The following CCNY variants were observed in gnomAD, a reference collection of about 807,000 sequenced individuals.
The protein encoded by CCNY is cyclin Y.
A neutral mutation model predicts 42.8 loss-of-function variants in CCNY; 19 were observed. The observed-to-expected ratio is 0.44, with a 90% CI of 0.31 to 0.65. CCNY has a LOEUF of 0.65. Among genes scored for constraint, CCNY ranks in the 30% least tolerant of loss-of-function variants. The probability of loss-of-function intolerance (pLI) is 0.07; values close to 1 mark genes in which losing one functional copy is unlikely to be tolerated. For missense variants in CCNY, 370 were observed against 437.3 expected (o/e 0.85, Z 1.37); for synonymous variants, 165 against 162.7 (o/e 1.01, Z -0.11).
intron 3 of CCNY, among the ~76,000 whole-genome samples, chr10:35,502,184 C>T (rs1400002759): frequency 6.6e-6 from 1 of 152,176 alleles, no homozygotes; most frequent in African/African-American, 2.4e-5. Context: ...GGCTCCAGCA[C>T]CTACTCCACA....
chr10:35,309,466 G>A (rs1835654748), intron 3 of CCNY, among the ~76,000 whole-genome samples: 1 of 151,954 alleles, frequency 6.6e-6, no homozygotes, highest in Non-Finnish European at 1.5e-5. Flanking sequence ...GGTGTCACCC[G>A]GGCTGAAGTG....
chr10:35,518,265 G>C (rs1037609405), intron 4 of CCNY, among the ~76,000 whole-genome samples: 1 of 152,180 alleles, frequency 6.6e-6, no homozygotes, highest in Non-Finnish European at 1.5e-5. Flanking sequence ...TATGTTGTCT[G>C]TGTAAATCAC....
chr10:35,478,418 A>G (rs1042526812), intron 1 of CCNY, among the ~76,000 whole-genome samples: 1 of 151,446 alleles, frequency 6.6e-6, no homozygotes, highest in Non-Finnish European at 1.5e-5. Context: ...CCAAAACAGC[A>G]TGGTACTGGT....
At chr10:35,370,398 G>C (rs1836905436) in intron 1 of CCNY, among the ~76,000 whole-genome samples, 1 of 152,010 alleles carries the variant, frequency 6.6e-6, no homozygotes, top group South Asian at 2.1e-4. Flanking sequence ...TGATCCGCCT[G>C]CTTCGGCCTC....
chr10:35,372,221 A>G (rs1836952199), intron 1 of CCNY, among the ~76,000 whole-genome samples: 1 of 152,212 alleles, frequency 6.6e-6, no homozygotes, highest in Non-Finnish European at 1.5e-5. Flanking sequence ...TCACCCTGAC[A>G]GTGAGGAAGG....
rs192693565 is a variant in CCNY at position 35,295,331 on chromosome 10, A to C, written c.-9+44705A>C. Among the ~76,000 whole-genome samples, 1,307 of 151,818 alleles carry C rather than the reference A, an allele frequency of 8.6e-3. 34 individuals are homozygous for C. The East Asian group carries it at 0.09, about 10-fold the overall frequency. The stretch of plus-strand genomic sequence containing the variant: ...ACCACAACCTCTGCCTCCCGGGTTC[A>C]AGCGATTCTCCTGCCTCAGCCTCCC... On this transcript the variant is annotated intron_variant, in intron 3 of 11. Coordinates refer to the CCNY transcript ENST00000374706.
rs1377590773 is a variant in CCNY at position 35,402,912 on chromosome 10, T to A, written c.154+65705T>A. 4.6e-5 allele frequency among the ~76,000 whole-genome samples: 7 copies of A among 152,024 alleles called. No individual in the cohort carries two copies. In the East Asian group the frequency reaches 7.7e-4, roughly 17 times the overall value. ...GTCCGTTAATGGGACTGTATAGAGG[T>A]GGGAAGGCTAAACTGAAGAATTATG... is the stretch of plus-strand genomic sequence containing the variant. On this transcript the variant is annotated intron_variant, in intron 1 of 9. Transcript: ENST00000374704.
chr10:35,265,166 G>A (rs545901389), intron 3 of CCNY, among the ~76,000 whole-genome samples: 1 of 152,262 alleles, frequency 6.6e-6, no homozygotes, highest in East Asian at 1.9e-4. Context: ...AACAAATGAT[G>A]ATGAAATATT....
intron 1 of CCNY, among the ~76,000 whole-genome samples, chr10:35,407,552 G>A (rs1837807068): frequency 6.6e-6 from 1 of 152,170 alleles, no homozygotes; most frequent in African/African-American, 2.4e-5. Flanking sequence ...AGATCTTGTA[G>A]GATGGAAAAA....
intron 3 of CCNY, among the ~76,000 whole-genome samples, chr10:35,284,009 G>A (rs1021315867): frequency 1.3e-5 from 2 of 152,056 alleles, no homozygotes; most frequent in East Asian, 1.9e-4. Flanking sequence ...ACTTGAACCC[G>A]GGAGATGGGG....
At chr10:35,452,970 TA>T (rs960186673) in intron 1 of CCNY, among the ~76,000 whole-genome samples, 3 of 152,064 alleles carry the variant, frequency 2.0e-5, no homozygotes, top group East Asian at 3.9e-4. Context: ...TAGAACATTT[TA>T]AAAAAAATAT....
chr10:35,448,267 G>T (rs1228692571), intron 1 of CCNY, among the ~76,000 whole-genome samples: 1 of 152,156 alleles, frequency 6.6e-6, no homozygotes, highest in Non-Finnish European at 1.5e-5. Flanking sequence ...GGGCAGTCAC[G>T]AACAAAGCAG....
Position 35,351,702 on chromosome 10 carries a change from A to G in CCNY, c.154+14495A>G, listed in dbSNP as rs115296220. On this transcript the variant is annotated intron_variant, in intron 1 of 9. Transcript: ENST00000374704. ...TAAGAATTTTTATTTTAAGTATATA[A>G]TACCATTGGAACAAGATGAACAGCA... Among the ~76,000 whole-genome samples the G allele has an allele frequency of 9.3e-3, 1,421 of 152,344 alleles. 29 individuals carry two copies. The highest frequency in any genetic ancestry group is 0.031 in the African/African-American group (1,308 of 41,568).
In CCNY at chr10:35,530,579, C is replaced by T. The variant is rs1375591488; in HGVS notation, c.579+336C>T. On this transcript the variant is annotated intron_variant, in intron 7 of 9. Transcript: ENST00000374704. The surrounding 1 kb of genome is among the most constrained non-coding windows in gnomAD (Gnocchi z 4.3). ...GTACTCCCTGTATACGTCTAGGTTT[C>T]CTGGTGTTGATTCCCTACAAAGATT... Among the ~76,000 whole-genome samples, 1 of 152,100 alleles carries T rather than the reference C, an allele frequency of 6.6e-6. No individual in the cohort carries two copies. The highest frequency in any genetic ancestry group is 1.5e-5 in the Non-Finnish European group (1 of 68,018).
chr10:35,512,772 C>CA (rs1275719223), intron 3 of CCNY, among the ~76,000 whole-genome samples: 1 of 152,006 alleles, frequency 6.6e-6, no homozygotes, highest in African/African-American at 2.4e-5. Context: ...TTCTGTGACT[C>CA]AAACTCCCTG....
chr10:35,371,053 T>A (rs1355523267), intron 1 of CCNY, among the ~76,000 whole-genome samples: 1 of 152,230 alleles, frequency 6.6e-6, no homozygotes, highest in Non-Finnish European at 1.5e-5. Flanking sequence ...ATTGATTGTC[T>A]GTTAGGTTAT....
At chr10:35,522,562 T>G (rs547600070) in intron 4 of CCNY, among the ~76,000 whole-genome samples, 1 of 151,698 alleles carries the variant, frequency 6.6e-6, no homozygotes, top group South Asian at 2.1e-4. Context: ...CCACCCAAGA[T>G]AGATTGTATA....
At chr10:35,415,857 G>T (rs1340279116) in intron 1 of CCNY, among the ~76,000 whole-genome samples, 3 of 152,194 alleles carry the variant, frequency 2.0e-5, no homozygotes, top group Non-Finnish European at 4.4e-5. Context: ...CATCCTGTGG[G>T]CCGAGCAGGT....
At chr10:35,559,544 A>G (rs1225659130) in intron 8 of CCNY, among the ~76,000 whole-genome samples, 1 of 152,256 alleles carries the variant, frequency 6.6e-6, no homozygotes, top group African/African-American at 2.4e-5. Context: ...TCTGGAGGCA[A>G]CACAAGGGTG....
Sources: allele counts gnomAD v4.1 joint callset (sites outside exome capture counted in the v4.1 genomes callset), GRCh38; gene constraint gnomAD v4.1.1; non-coding constraint Gnocchi (gnomAD v3.1); transcripts MANE v1.5; gene names NCBI Gene and HGNC (gene_info 2026-07-23, HGNC 2026-07-21).